The following M1AP variants were observed in gnomAD, a reference collection of about 807,000 sequenced individuals.
The protein encoded by M1AP is meiosis 1 arrest protein.
Under a neutral mutation model 51.2 loss-of-function variants are expected in M1AP, and 39 were observed. The ratio of observed to expected loss-of-function variants is 0.76; its 90% CI spans 0.59 to 1.00. The LOEUF is 1.00. Ranked by LOEUF, M1AP falls within the 50% of genes least tolerant of loss-of-function variation. The probability of loss-of-function intolerance (pLI) is 0.00; values close to 1 mark genes in which losing one functional copy is unlikely to be tolerated. For synonymous variants in M1AP, 251 were observed against 249.2 expected (o/e 1.01, Z -0.07); for missense variants, 545 against 641.2 (o/e 0.85, Z 1.62).
At chr2:74,629,516 G>T (rs750042233) in intron 2 of M1AP, among the ~76,000 whole-genome samples, 6 of 152,142 alleles carry the variant, frequency 3.9e-5, no homozygotes, top group Non-Finnish European at 8.8e-5. Context: ...ACTTTGGGAG[G>T]CCCAAGTGGG....
intron 7 of M1AP, among the ~76,000 whole-genome samples, chr2:74,566,374 T>A (rs1243250368): frequency 6.6e-6 from 1 of 152,146 alleles, no homozygotes; most frequent in Non-Finnish European, 1.5e-5. Flanking sequence ...CAAGAAAGGC[T>A]TCATACCGAA....
chr2:74,615,824 T>C (rs1681633478), intron 2 of M1AP: 1 of 152,282 alleles, frequency 6.6e-6, no homozygotes, highest in Non-Finnish European at 1.5e-5. Flanking sequence ...TGCATTTTGA[T>C]AAATGTGGAC....
chr2:74,607,717 G>A (rs1380190952), intron 3 of M1AP, among the ~76,000 whole-genome samples: 1 of 151,948 alleles, frequency 6.6e-6, no homozygotes, highest in Non-Finnish European at 1.5e-5. Context: ...CTCGTGATCC[G>A]CCCGCCCCGG....
intron 2 of M1AP, chr2:74,628,480 C>A: frequency 2.3e-6 from 1 of 440,124 alleles, no homozygotes; most frequent in South Asian, 1.9e-5. Flanking sequence ...ATAACCACTG[C>A]TAACCAGTTT....
At chr2:74,596,792 TA>T (rs1399519216) in intron 4 of M1AP, among the ~76,000 whole-genome samples, 2 of 152,052 alleles carry the variant, frequency 1.3e-5, no homozygotes, top group African/African-American at 4.8e-5. Flanking sequence ...TACTCAGCAA[TA>T]AAAAGAAAAC....
At chr2:74,573,248 G>A (rs1195870087) in intron 7 of M1AP, among the ~76,000 whole-genome samples, 1 of 152,054 alleles carries the variant, frequency 6.6e-6, no homozygotes, top group Admixed American at 6.6e-5. Context: ...TAGAGACAGG[G>A]CTTCATCATG....
intron 7 of M1AP, among the ~76,000 whole-genome samples, chr2:74,563,460 G>T (rs1013481174): frequency 6.6e-6 from 1 of 152,038 alleles, no homozygotes; most frequent in Non-Finnish European, 1.5e-5. Context: ...TTAGCTGGAC[G>T]TGGTGGCGCA....
chr2:74,642,103 T>G (rs773859715), intron 1 of M1AP, among the ~76,000 whole-genome samples: 2 of 152,204 alleles, frequency 1.3e-5, no homozygotes, highest in African/African-American at 2.4e-5. Context: ...GTGCTGGGAT[T>G]ACAGGCGTGA....
At chr2:74,585,742 G>T (rs1405228624) in intron 4 of M1AP, among the ~76,000 whole-genome samples, 1 of 152,168 alleles carries the variant, frequency 6.6e-6, no homozygotes, top group Non-Finnish European at 1.5e-5. Flanking sequence ...CCAAACTAGA[G>T]ACTTATGTGT....
At chr2:74,587,519 C>CT (rs943735437) in intron 4 of M1AP, among the ~76,000 whole-genome samples, 1 of 152,134 alleles carries the variant, frequency 6.6e-6, no homozygotes, top group Non-Finnish European at 1.5e-5. Flanking sequence ...TTTTTTAAAG[C>CT]TTTTTTTCCC....
In M1AP at chr2:74,558,846, C is replaced by T. The variant is rs377340908; in HGVS notation, c.1463G>A (p.Arg488Gln). The change falls in exon 11 of 11, where the codon CGA becomes CAA. Residue 488 changes from arginine (R) to glutamine (Q), a missense_variant. Arg to Gln is a conservative substitution (Grantham distance 43, BLOSUM62 1). Transcript: ENST00000421985. ...KTGQLQTNRA[R>Q]ATVAPLPMTP... ...CATAGGCAGGGGGGCCACAGTAGCTCGAGCTCGGTTGGTCTGCAACTGCCC... is the reference window on the plus strand; with the variant it reads ...CATAGGCAGGGGGGCCACAGTAGCTTGAGCTCGGTTGGTCTGCAACTGCCC... The T allele has an allele frequency of 9.4e-6, 15 of 1,600,442 alleles. No homozygotes were observed. Among genetic ancestry groups the T allele is most frequent in the South Asian group, 3.4e-5 (3 of 88,796 alleles).
chr2:74,599,413 T>C (rs934135798), intron 4 of M1AP, among the ~76,000 whole-genome samples: 6 of 152,218 alleles, frequency 3.9e-5, no homozygotes, highest in African/African-American at 1.2e-4. Context: ...CATTGAAGTC[T>C]TTAATCCATC....
chr2:74,580,979 G>A (rs191516483), intron 5 of M1AP, among the ~76,000 whole-genome samples: 24 of 152,240 alleles, frequency 1.6e-4, no homozygotes, highest in Non-Finnish European at 1.9e-4. Context: ...CCCAGGTCCC[G>A]CCTGAGCCAG....
chr2:74,593,839 T>C (rs1338279778), intron 4 of M1AP, among the ~76,000 whole-genome samples: 4 of 152,086 alleles, frequency 2.6e-5, no homozygotes, highest in African/African-American at 9.7e-5. Flanking sequence ...GTCACAATAG[T>C]GTGAAGGCAG....
At chr2:74,587,002 C>CAA (rs1190251502) in intron 4 of M1AP, among the ~76,000 whole-genome samples, 19 of 96,084 alleles carry the variant, frequency 2.0e-4, no homozygotes, top group African/African-American at 6.5e-4. Flanking sequence ...AACTCCATTT[C>CAA]AAAAAAAAAA....
chr2:74,611,990 T>C (rs1681395004), intron 3 of M1AP, among the ~76,000 whole-genome samples: 1 of 121,798 alleles, frequency 8.2e-6, no homozygotes, highest in South Asian at 3.1e-4. Context: ...GCCTCCCAGG[T>C]TCACGCCATT....
chr2:74,632,114 A>T (rs536037352), intron 2 of M1AP, among the ~76,000 whole-genome samples: 13 of 152,324 alleles, frequency 8.5e-5, no homozygotes, highest in East Asian at 5.8e-4. Context: ...TTTGGCTTTC[A>T]ATTTTTCCTG....
intron 2 of M1AP, among the ~76,000 whole-genome samples, chr2:74,630,153 T>G (rs929007227): frequency 5.9e-5 from 9 of 152,006 alleles, no homozygotes; most frequent in Admixed American, 3.3e-4. Flanking sequence ...CCCAGGCTGG[T>G]CTTGAACTCC....
chr2:74,643,643 T>G (rs917361831), intron 1 of M1AP, among the ~76,000 whole-genome samples: 1 of 147,686 alleles, frequency 6.8e-6, no homozygotes, highest in Non-Finnish European at 1.5e-5. Flanking sequence ...CAGGCTGGAG[T>G]GCAGCAGTGG....
Sources: allele counts gnomAD v4.1 joint callset (sites outside exome capture counted in the v4.1 genomes callset), GRCh38; gene constraint gnomAD v4.1.1; transcripts MANE v1.5; gene names NCBI Gene and HGNC (gene_info 2026-07-23, HGNC 2026-07-21).